VAV3: variants seen among roughly 807,000 people sequenced by gnomAD.
VAV3 encodes vav guanine nucleotide exchange factor 3.
In VAV3, 94 loss-of-function variants were observed where a neutral mutation model predicts 131.2. The ratio of observed to expected loss-of-function variants is 0.72; its 90% confidence interval spans 0.61 to 0.85. The LOEUF is 0.85. Among genes scored for constraint, VAV3 ranks in the 40% least tolerant of loss-of-function variants. The pLI, the probability that VAV3 is intolerant of heterozygous loss-of-function variation, is 0.00. For missense variants in VAV3, 939 were observed against 1,002.7 expected (o/e 0.94, Z 0.86); for synonymous variants, 349 against 342.0 (o/e 1.02, Z -0.22).
chr1:107,661,033 GA>G, intron 19 of VAV3, among the ~76,000 whole-genome samples: 1 of 151,702 alleles, frequency 6.6e-6, no homozygotes. Context: ...CACACATAAA[GA>G]AGTACAGAAA....
intron 19 of VAV3, among the ~76,000 whole-genome samples, chr1:107,665,730 A>G (rs1482965964): frequency 1.3e-5 from 2 of 152,182 alleles, no homozygotes; most frequent in African/African-American, 2.4e-5. Context: ...TTGCAGGCCA[A>G]TACTAGAAAC....
intron 1 of VAV3, among the ~76,000 whole-genome samples, chr1:107,916,325 T>C (rs1672618100): frequency 6.6e-6 from 1 of 152,224 alleles, no homozygotes; most frequent in Non-Finnish European, 1.5e-5. Context: ...TATGAATTAC[T>C]ACAATCAATC....
At chr1:107,680,704 G>C (rs1263401694) in intron 19 of VAV3, among the ~76,000 whole-genome samples, 4 of 152,180 alleles carry the variant, frequency 2.6e-5, no homozygotes, top group African/African-American at 9.6e-5. Flanking sequence ...GAGCCAACGC[G>C]CCTGGCCTAC....
chr1:107,753,499 C>CACACAT, intron 12 of VAV3, among the ~76,000 whole-genome samples: 1 of 95,510 alleles, frequency 1.0e-5, no homozygotes, highest in African/African-American at 4.0e-5. Context: ...TATATACACA[C>CACACAT]ATATATATAC....
At chr1:107,702,118 G>A (rs1269048824) in intron 17 of VAV3, among the ~76,000 whole-genome samples, 1 of 152,168 alleles carries the variant, frequency 6.6e-6, no homozygotes, top group African/African-American at 2.4e-5. Context: ...CAGAAAAGAG[G>A]TTTAATTTGC....
chr1:107,878,061 C>A (rs1348922761), intron 1 of VAV3, among the ~76,000 whole-genome samples: 1 of 152,032 alleles, frequency 6.6e-6, no homozygotes, highest in Non-Finnish European at 1.5e-5. Context: ...AATTTCAGAA[C>A]AAAAGTTGAA....
intron 15 of VAV3, among the ~76,000 whole-genome samples, chr1:107,708,680 T>C (rs1660598998): frequency 6.6e-6 from 1 of 152,152 alleles, no homozygotes; most frequent in Non-Finnish European, 1.5e-5. Flanking sequence ...GCATCTCAAA[T>C]GCAGCATATA....
chr1:107,924,826 G>A (rs940715003), intron 1 of VAV3, among the ~76,000 whole-genome samples: 2 of 152,124 alleles, frequency 1.3e-5, no homozygotes, highest in Middle Eastern at 3.2e-3. Flanking sequence ...ACAACACAAC[G>A]ATATTAAGAA....
intron 12 of VAV3, among the ~76,000 whole-genome samples, chr1:107,751,903 G>C (rs1301995366): frequency 6.6e-6 from 1 of 152,162 alleles, no homozygotes. Flanking sequence ...ATAAAGGGCA[G>C]AGATGTGTGA....
At chr1:107,935,765 C>A (rs1673680835) in intron 1 of VAV3, among the ~76,000 whole-genome samples, 2 of 152,052 alleles carry the variant, frequency 1.3e-5, no homozygotes, top group African/African-American at 2.4e-5. Flanking sequence ...CCAACCAAGG[C>A]CATTACCTAT....
chr1:107,833,872 C>T (rs17020150), intron 2 of VAV3, among the ~76,000 whole-genome samples: 2,026 of 152,306 alleles, frequency 0.013, 20 homozygotes, highest in African/African-American at 0.03. Context: ...TCTTCCTTGA[C>T]TACTACAAGT....
intron 25 of VAV3, among the ~76,000 whole-genome samples, chr1:107,594,607 C>T (rs187892904): frequency 4.9e-4 from 74 of 152,042 alleles, no homozygotes; most frequent in African/African-American, 1.8e-3. Flanking sequence ...AAGAAAAAGT[C>T]CTGTAATTCC....
At chr1:107,774,242 T>A (rs894456177) in intron 4 of VAV3, among the ~76,000 whole-genome samples, 1 of 152,078 alleles carries the variant, frequency 6.6e-6, no homozygotes, top group Non-Finnish European at 1.5e-5. Context: ...AATTTTTGTA[T>A]TTTTAGTAGA....
intron 1 of VAV3, among the ~76,000 whole-genome samples, chr1:107,902,393 T>C (rs1488645634): frequency 6.6e-6 from 1 of 152,230 alleles, no homozygotes; most frequent in African/African-American, 2.4e-5. Flanking sequence ...TTCTGTGTCA[T>C]TTGTCTACAT....
chr1:107,899,682 G>T lies in VAV3; in HGVS notation c.205-24665C>A, dbSNP rs115519044. Among the ~76,000 whole-genome samples, 1,009 of 152,272 alleles carry T rather than the reference G, an allele frequency of 6.6e-3. 8 individuals carry two copies. Among genetic ancestry groups the T allele is most frequent in the African/African-American group, 0.023 (953 of 41,554 alleles). On this transcript the variant is annotated intron_variant, in intron 1 of 26. Coordinates refer to ENST00000370056, the MANE Select transcript of VAV3 (RefSeq NM_006113.5). ...CAGTGTTACTTCATCTAATCTTCAG[G>T]ATTATTTTATGAAATAGGTATTGTT... is the stretch of plus-strand genomic sequence containing the variant.
At chr1:107,875,814 C>T (rs1670468405) in intron 1 of VAV3, among the ~76,000 whole-genome samples, 1 of 152,154 alleles carries the variant, frequency 6.6e-6, no homozygotes, top group Admixed American at 6.6e-5. Context: ...CTTGCAATAA[C>T]CCAGGTGAGA....
intron 17 of VAV3, among the ~76,000 whole-genome samples, chr1:107,703,918 G>T (rs1215385523): frequency 6.6e-6 from 1 of 152,182 alleles, no homozygotes; most frequent in Non-Finnish European, 1.5e-5. Context: ...AAGAGGAGCA[G>T]AAAGAGGCAA....
At chr1:107,661,763 G>A (rs575139363) in intron 19 of VAV3, among the ~76,000 whole-genome samples, 19 of 152,222 alleles carry the variant, frequency 1.2e-4, no homozygotes, top group Middle Eastern at 3.4e-3. Flanking sequence ...GCCATTCTGC[G>A]TGTATATGTG....
chr1:107,918,665 TATATATATATATTTTTAAGGC>T (rs1672734329), intron 1 of VAV3, among the ~76,000 whole-genome samples: 3 of 148,652 alleles, frequency 2.0e-5, no homozygotes, highest in Admixed American at 1.3e-4. Flanking sequence ...TTTTAAGGCA[TATATATATATATTTTTAAGGC>T]ATATATATAT....
Sources: allele counts gnomAD v4.1 joint callset (sites outside exome capture counted in the v4.1 genomes callset), GRCh38; gene constraint gnomAD v4.1.1; transcripts MANE v1.5; gene names NCBI Gene and HGNC (gene_info 2026-07-23, HGNC 2026-07-21).